Variants in COL4A6 observed in about 807,000 individuals in gnomAD.
COL4A6 encodes the protein collagen alpha-6(IV) chain.
Under a neutral mutation model 126.7 loss-of-function variants are expected in COL4A6, and 59 were observed. The observed-to-expected ratio is 0.47, with a 90% CI of 0.38 to 0.58. The LOEUF (loss-of-function observed/expected upper bound fraction) is 0.58. COL4A6 is among the 20% of genes least tolerant of loss of function. The pLI is 0.00. For missense variants in COL4A6, 1,285 were observed against 1,337.3 expected, an observed-to-expected ratio of 0.96 and a Z score of 0.61; for synonymous variants, 547 against 496.6, an observed-to-expected ratio of 1.10 and a Z score of -1.35.
At position 108,164,521 on chromosome X, in the gene COL4A6, G is replaced by C. The variant is rs2034059929; in HGVS notation, c.4069+79C>G. ...CATCCAGACTTTCTTGGCGTGGTGA[G>C]CAATGATGCCTGAAGGAACCTTACC... On this transcript the variant is annotated intron_variant, in intron 40 of 44. Coordinates refer to ENST00000334504, the MANE Select transcript of COL4A6 (RefSeq NM_033641.4). 1.1e-5 allele frequency: 10 copies of C among 925,498 alleles called. No individual in the cohort carries two copies. In the South Asian group the frequency reaches 2.1e-4, roughly 20 times the overall value. The allele number at this position is 925,498 out of a possible 1,213,427, so 76.3% of individuals were successfully genotyped here.
At chrX:108,206,665 C>A in intron 8 of COL4A6, 85 bp from the exon 9 acceptor site, 1 of 780,799 alleles carries the variant, frequency 1.3e-6, no homozygotes, top group East Asian at 3.2e-5. Flanking sequence ...GAGAACTGTA[C>A]AAGAATGTTC....
chrX:108,222,797 T>C (rs1261840331), intron 3 of COL4A6, among the ~76,000 whole-genome samples: 1 of 112,031 alleles, frequency 8.9e-6, no homozygotes, highest in Non-Finnish European at 1.9e-5. Flanking sequence ...GGCTCCTACC[T>C]CCCATTGTTG....
At chrX:108,393,102 T>C (rs113169939) in intron 2 of COL4A6, among the ~76,000 whole-genome samples, 133 of 111,760 alleles carry the variant, frequency 1.2e-3, no homozygotes, top group African/African-American at 3.9e-3. Context: ...TTATGTAGAA[T>C]TGTGATTTGA....
intron 29 of COL4A6, among the ~76,000 whole-genome samples, 162 bp downstream of exon 29, chrX:108,175,492 G>A (rs1569331763): frequency 1.8e-5 from 2 of 111,876 alleles, no homozygotes; most frequent in African/African-American, 6.5e-5. Context: ...TTAACTAAGA[G>A]GGGATTAAGT....
chrX:108,285,194 TG>T (rs2037973819), intron 3 of COL4A6, among the ~76,000 whole-genome samples: 1 of 111,639 alleles, frequency 9.0e-6, no homozygotes, highest in Non-Finnish European at 1.9e-5. Flanking sequence ...ATCATGCCTC[TG>T]TGGACAGGTT....
intron 3 of COL4A6, among the ~76,000 whole-genome samples, chrX:108,264,102 A>T (rs1423373416): frequency 9.0e-6 from 1 of 111,271 alleles, no homozygotes; most frequent in African/African-American, 3.3e-5. Context: ...AAATGTCGAG[A>T]TTATTGTCTG....
At chrX:108,227,180 A>G (rs1414408221) in intron 3 of COL4A6, among the ~76,000 whole-genome samples, 7 of 111,812 alleles carry the variant, frequency 6.3e-5, no homozygotes, top group Admixed American at 5.7e-4. Flanking sequence ...CTTACTCTTT[A>G]CTGAATCACC....
Position 108,156,960 on chromosome X carries a change from G to A in COL4A6, c.*40C>T, listed in dbSNP as rs756310211. ...CAGGTTTGTGAGGTGACTGTTGTGA[G>A]GGGCAGGGGAGGGCAAGGGGCAGAG... On this transcript the variant is annotated 3_prime_UTR_variant, in exon 45 of 45. Transcript: ENST00000334504. The A allele has an allele frequency of 8.5e-7, 1 of 1,170,550 alleles. No individual in the cohort carries two copies. The highest frequency in any genetic ancestry group is 1.2e-6 in the Non-Finnish European group (1 of 863,283).
At chrX:108,188,738 T>A (rs973877077) in intron 20 of COL4A6, 61 bp from the exon 21 acceptor site, 175 of 1,003,368 alleles carry the variant, frequency 1.7e-4, no homozygotes, top group Non-Finnish European at 2.1e-4. Flanking sequence ...GAATAAAGAA[T>A]TGATCATGGT....
At chrX:108,404,910 G>T (rs1260838368) in intron 2 of COL4A6, among the ~76,000 whole-genome samples, 1 of 111,512 alleles carries the variant, frequency 9.0e-6, no homozygotes, top group Non-Finnish European at 1.9e-5. Context: ...TGAATATTTT[G>T]TTTACTATAT....
At chrX:108,301,539 C>T (rs758908479) in intron 3 of COL4A6, among the ~76,000 whole-genome samples, 3 of 110,829 alleles carry the variant, frequency 2.7e-5, no homozygotes, top group Admixed American at 9.6e-5. Context: ...CTGACTGCAA[C>T]GAGTAATGCA....
chrX:108,251,073 G>A (rs1436493240), intron 3 of COL4A6, among the ~76,000 whole-genome samples: 1 of 111,090 alleles, frequency 9.0e-6, no homozygotes, highest in East Asian at 2.9e-4. Flanking sequence ...TCACAGGGGA[G>A]TTTCAAGGGG....
At chrX:108,201,514 C>G (rs1458058614) in intron 13 of COL4A6, among the ~76,000 whole-genome samples, 1 of 111,533 alleles carries the variant, frequency 9.0e-6, no homozygotes, top group African/African-American at 3.3e-5. Flanking sequence ...GATATTGTCA[C>G]TATGTCTTAA....
At chrX:108,210,147 T>C in intron 7 of COL4A6, 143 bp from the exon 8 acceptor site, 1 of 543,824 alleles carries the variant, frequency 1.8e-6, no homozygotes, top group East Asian at 3.8e-5. Context: ...TTAAATAATG[T>C]ATGAATTGGA....
At chrX:108,165,684 A>G (rs756869632) in intron 37 of COL4A6, among the ~76,000 whole-genome samples, 198 bp from the exon 38 acceptor site, 1 of 110,507 alleles carries the variant, frequency 9.0e-6, no homozygotes, top group Non-Finnish European at 1.9e-5. Context: ...GGGCTCAGAG[A>G]CTCCCCTTTT....
intron 2 of COL4A6, among the ~76,000 whole-genome samples, chrX:108,351,440 C>CTGTGTGTGTGTGTG (rs574111228): frequency 4.1e-5 from 4 of 97,900 alleles, no homozygotes; most frequent in East Asian, 3.7e-4. Flanking sequence ...AACTCTCTCT[C>CTGTGTGTGTGTGTG]TCTGTGTGTG....
chrX:108,346,781 T>C (rs1177113882), intron 2 of COL4A6, among the ~76,000 whole-genome samples: 2 of 112,468 alleles, frequency 1.8e-5, no homozygotes, highest in Non-Finnish European at 3.7e-5. Flanking sequence ...GAGCTATACA[T>C]ACATTTAAGA....
intron 2 of COL4A6, among the ~76,000 whole-genome samples, chrX:108,376,335 C>A (rs756746487): frequency 1.8e-4 from 20 of 110,905 alleles, no homozygotes; most frequent in African/African-American, 5.6e-4. Context: ...CAGGTCACAC[C>A]TGTAATCCCA....
At position 108,161,714 on chromosome X, in the gene COL4A6, A is replaced by G. The variant is rs1448236611; in HGVS notation, c.4238T>C (p.Ile1413Thr). ...GLQGSKGLPG[I>T]PGKDGPSGLP... ...CCCACTGGGGCCATCTTTACCGGGG[A>G]TGCCAGGTAAACCTTTGGAGCCTGC... is the stretch of plus-strand genomic sequence containing the variant. Residue 1413 changes from isoleucine (I) to threonine (T), a missense_variant, in exon 42 of 45, where the codon ATC becomes ACC. By Grantham distance (89) the Ile-to-Thr change is moderately conservative. Coordinates refer to ENST00000334504, the MANE Select transcript of COL4A6 (RefSeq NM_033641.4). The G allele has an allele frequency of 3.3e-6, 4 of 1,201,035 alleles. No individual in the cohort carries two copies. Among genetic ancestry groups the G allele is most frequent in the African/African-American group, 3.5e-5 (2 of 56,415 alleles).
Sources: allele counts gnomAD v4.1 joint callset (sites outside exome capture counted in the v4.1 genomes callset), GRCh38; gene constraint gnomAD v4.1.1; transcripts MANE v1.5; gene names NCBI Gene and HGNC (gene_info 2026-07-23, HGNC 2026-07-21).